The following FDFT1 variants were observed in gnomAD, a reference collection of about 807,000 sequenced individuals.
The protein encoded by FDFT1 is squalene synthase.
In FDFT1, 68 loss-of-function variants were observed where a neutral mutation model predicts 46.8. That is an observed-to-expected ratio of 1.45 (90% confidence interval 1.19 to 1.78). The LOEUF (loss-of-function observed/expected upper bound fraction) is 1.78, where lower values mean the gene tolerates loss of function less well. FDFT1 is among the 40% of genes most tolerant of loss of function. FDFT1 has a pLI of 0.00. For synonymous variants in FDFT1, 351 were observed against 185.1 expected (o/e 1.90, Z -7.28); for missense variants, 928 against 524.4 (o/e 1.77, Z -7.52).
At position 11,838,762 on chromosome 8, in the gene FDFT1, T is replaced by G; in HGVS notation, c.*153T>G. ...GACCTTTAGGAAAGTGAAATGCAGG[T>G]GAGAAGAACCTAAACATGAAAGGAA... On this transcript the variant is annotated 3_prime_UTR_variant, in exon 8 of 8. Transcript: ENST00000220584. The G allele has an allele frequency of 1.5e-6, 1 of 666,708 alleles. No individual in the cohort carries two copies. The highest frequency in any genetic ancestry group is 4.0e-4 in the Middle Eastern group (1 of 2,476). 41.3% of individuals were successfully genotyped at this position (666,708 alleles called of 1,614,324 possible).
intron 3 of FDFT1, among the ~76,000 whole-genome samples, chr8:11,815,685 G>A (rs1256549155): frequency 6.6e-6 from 1 of 152,152 alleles, no homozygotes; most frequent in Non-Finnish European, 1.5e-5. Flanking sequence ...AGAAGTGTCT[G>A]TTCATATCCT....
chr8:11,818,211 C>T (rs1195576186), intron 3 of FDFT1, among the ~76,000 whole-genome samples: 1 of 152,206 alleles, frequency 6.6e-6, no homozygotes, highest in Admixed American at 6.5e-5. Context: ...TTTGATTTCA[C>T]TGTGGTCTGA....
intron 1 of FDFT1, chr8:11,803,286 G>T: frequency 7.6e-7 from 1 of 1,321,930 alleles, no homozygotes; most frequent in Non-Finnish European, 9.9e-7. Flanking sequence ...GGGAGAGGAC[G>T]AGTGAGTTTT....
chr8:11,806,692 G>GGT (rs1238790974), intron 1 of FDFT1, among the ~76,000 whole-genome samples: 1 of 152,204 alleles, frequency 6.6e-6, no homozygotes, highest in Non-Finnish European at 1.5e-5. Context: ...GCTGTAGCCT[G>GGT]GTAATGGTCA....
rs150798353 is a variant in FDFT1 at position 11,829,396 on chromosome 8, T to G, written c.703-848T>G. On this transcript the variant is annotated intron_variant, in intron 5 of 7. Coordinates refer to ENST00000220584, the MANE Select transcript of FDFT1 (RefSeq NM_004462.5). ...CACTGTTAGAATTAAAGGTTTTATT[T>G]CACTTTCAAGTTATCAGGATCCAGG... is the stretch of plus-strand genomic sequence containing the variant. Among the ~76,000 whole-genome samples, 443 of 152,350 alleles carry G rather than the reference T, an allele frequency of 2.9e-3. 2 individuals carry two copies. Among genetic ancestry groups the G allele is most frequent in the African/African-American group, 0.01 (420 of 41,586 alleles).
At chr8:11,809,626 CTGTT>C (rs1274779709) in intron 2 of FDFT1, 37 bp from the exon 3 acceptor site, 3 of 1,522,376 alleles carry the variant, frequency 2.0e-6, no homozygotes, top group Non-Finnish European at 2.7e-6. Flanking sequence ...AAATCTTTGG[CTGTT>C]TGTTCCAATA....
At chr8:11,802,547 T>TA (rs1806252765), upstream of FDFT1, 1 of 579,254 alleles carries the variant, frequency 1.7e-6, no homozygotes, top group Admixed American at 2.2e-5. Context: ...TCTAGAGTGT[T>TA]ATCACGCCAG....
chr8:11,806,019 T>C (rs1436670284), intron 1 of FDFT1, among the ~76,000 whole-genome samples: 1 of 152,170 alleles, frequency 6.6e-6, no homozygotes, highest in Non-Finnish European at 1.5e-5. Context: ...TTCTCAAGTT[T>C]GTGGTTTTTT....
intron 2 of FDFT1, 98 bp downstream of exon 2, chr8:11,808,989 A>G: frequency 1.3e-6 from 2 of 1,513,608 alleles, no homozygotes; most frequent in Non-Finnish European, 8.9e-7. Flanking sequence ...TCAGCGTTGC[A>G]GCCTCGTTGC....
At position 11,809,010 on chromosome 8, in the gene FDFT1, C is replaced by T. The variant is rs183007283; in HGVS notation, c.197+119C>T. On this transcript the variant is annotated intron_variant, in intron 2 of 7. Coordinates refer to ENST00000220584, the MANE Select transcript of FDFT1 (RefSeq NM_004462.5). ...TTGCAGCCTCGTTGCTGTGGCTTAT[C>T]CAGAACATAGCCCGGCCCTACGTGT... is the stretch of plus-strand genomic sequence containing the variant. 4.8e-6 allele frequency: 7 copies of T among 1,452,614 alleles called. No individual in the cohort carries two copies. In the Admixed American group the frequency reaches 1.2e-4, roughly 25 times the overall value. The allele number at this position is 1,452,614 out of a possible 1,614,324, so 90.0% of individuals were successfully genotyped here.
intron 3 of FDFT1, among the ~76,000 whole-genome samples, chr8:11,817,435 G>C (rs936700619): frequency 3.9e-5 from 6 of 152,194 alleles, no homozygotes; most frequent in African/African-American, 1.4e-4. Flanking sequence ...GTTTCAGAAG[G>C]AATGGTACCA....
At chr8:11,824,314 C>T (rs961686888) in intron 4 of FDFT1, among the ~76,000 whole-genome samples, 8 of 151,244 alleles carry the variant, frequency 5.3e-5, no homozygotes, top group East Asian at 1.9e-4. Flanking sequence ...AAATTGCTGT[C>T]GCGGAAAAAA....
chr8:11,829,317 C>T (rs1411083203), intron 5 of FDFT1, among the ~76,000 whole-genome samples: 1 of 152,214 alleles, frequency 6.6e-6, no homozygotes, highest in Non-Finnish European at 1.5e-5. Flanking sequence ...AGAACTTTCG[C>T]TAGCTTCAGA....
Position 11,838,167 on chromosome 8 carries a change from C to T in FDFT1, c.1033-221C>T, listed in dbSNP as rs187660966. 9.9e-5 allele frequency among the ~76,000 whole-genome samples: 15 copies of T among 152,276 alleles called. No individual in the cohort carries two copies. The East Asian group carries it at 2.7e-3, about 27-fold the overall frequency. The stretch of plus-strand genomic sequence containing the variant: ...CTGGGTGCAGTATGCACACCTGTGC[C>T]TCCTGTTTGCTCAGGAAGACAGGCT... On this transcript the variant is annotated intron_variant, in intron 7 of 7. Transcript: ENST00000220584.
chr8:11,823,079 C>G (rs963669580), intron 4 of FDFT1, among the ~76,000 whole-genome samples: 1 of 152,060 alleles, frequency 6.6e-6, no homozygotes, highest in Non-Finnish European at 1.5e-5. Context: ...CTCAGCCTAC[C>G]GAGTAGCTGT....
chr8:11,827,929 C>T (rs1475572524), intron 5 of FDFT1, among the ~76,000 whole-genome samples: 1 of 151,772 alleles, frequency 6.6e-6, no homozygotes, highest in African/African-American at 2.4e-5. Context: ...TGGCCGGGCA[C>T]AGTGACTCCT....
chr8:11,828,129 A>AT (rs902321570), intron 5 of FDFT1, among the ~76,000 whole-genome samples: 8 of 152,040 alleles, frequency 5.3e-5, no homozygotes, highest in Admixed American at 6.6e-5. Flanking sequence ...TAAAAAAAAA[A>AT]AATCAAAAAT....
intron 3 of FDFT1, among the ~76,000 whole-genome samples, chr8:11,814,298 A>AG (rs912306735): frequency 1.4e-5 from 2 of 139,602 alleles, no homozygotes; most frequent in African/African-American, 6.0e-5. Flanking sequence ...TTGATTTTAT[A>AG]GGTTTTTTTT....
At position 11,815,769 on chromosome 8, in the gene FDFT1, C is replaced by T. The variant is rs532219834; in HGVS notation, c.381+5919C>T. On this transcript the variant is annotated intron_variant, in intron 3 of 7. Transcript: ENST00000220584. ...AGTTCTTTGTAGATTCTGGATACTA[C>T]CCTTTGTTGGATGGATAAATTACAA... Among the ~76,000 whole-genome samples the T allele has an allele frequency of 1.4e-3, 210 of 152,178 alleles. 1 individual carries two copies. Among genetic ancestry groups the T allele is most frequent in the African/African-American group, 4.8e-3 (200 of 41,516 alleles).
Sources: allele counts gnomAD v4.1 joint callset (sites outside exome capture counted in the v4.1 genomes callset), GRCh38; gene constraint gnomAD v4.1.1; transcripts MANE v1.5; gene names NCBI Gene and HGNC (gene_info 2026-07-23, HGNC 2026-07-21).